GABRB1: variants seen among roughly 807,000 people sequenced by gnomAD.
GABRB1 encodes the protein gamma-aminobutyric acid receptor subunit beta-1.
A neutral mutation model predicts 51.6 loss-of-function variants in GABRB1; 17 were observed. The ratio of observed to expected loss-of-function variants is 0.33; its 90% confidence interval spans 0.23 to 0.49. The LOEUF is 0.49. Ranked by LOEUF, GABRB1 falls within the 20% of genes least tolerant of loss-of-function variation. GABRB1 has a pLI of 0.99. For synonymous variants in GABRB1, 247 were observed against 218.9 expected, an observed-to-expected ratio of 1.13 and a Z score of -1.14; for missense variants, 410 against 600.6, an observed-to-expected ratio of 0.68 and a Z score of 3.32.
intron 3 of GABRB1, among the ~76,000 whole-genome samples, chr4:47,151,856 C>T (rs1264006779): frequency 6.6e-6 from 1 of 151,930 alleles, no homozygotes; most frequent in African/African-American, 2.4e-5. Context: ...CAAAATTTCA[C>T]TGAATAGAGA....
intron 3 of GABRB1, among the ~76,000 whole-genome samples, chr4:47,111,238 C>T (rs149917533): frequency 4.7e-4 from 72 of 152,042 alleles, no homozygotes; most frequent in Non-Finnish European, 8.5e-4. Context: ...AATTTTTCAA[C>T]GTCTCACAAA....
chr4:47,219,188 T>C (rs1720668383), intron 4 of GABRB1, among the ~76,000 whole-genome samples: 1 of 151,870 alleles, frequency 6.6e-6, no homozygotes, highest in Non-Finnish European at 1.5e-5. Context: ...TAAAATGTTG[T>C]ATGTCATATT....
rs115025485 is a variant in GABRB1 at position 47,011,882 on chromosome 4, T to C, written c.-20+17956T>C. 1.9e-3 allele frequency among the ~76,000 whole-genome samples: 296 copies of C among 152,188 alleles called. 2 individuals are homozygous for C. The highest frequency in any genetic ancestry group is 6.9e-3 in the African/African-American group (285 of 41,526). The stretch of plus-strand genomic sequence containing the variant: ...ATCATTAAAAGCCCATTTTAAAAAA[T>C]ATTTCCAAATACAGGAAAAAAAATC... On this transcript the variant is annotated intron_variant, in intron 1 of 3. Coordinates refer to the GABRB1 transcript ENST00000513567.
intron 4 of GABRB1, among the ~76,000 whole-genome samples, chr4:47,241,759 T>C (rs1438529430): frequency 6.6e-6 from 1 of 152,232 alleles, no homozygotes; most frequent in East Asian, 1.9e-4. Flanking sequence ...GGTCTTGTTT[T>C]CTTTGATTAT....
At chr4:47,312,527 A>G (rs965446359) in intron 4 of GABRB1, among the ~76,000 whole-genome samples, 29 of 152,342 alleles carry the variant, frequency 1.9e-4, no homozygotes, top group Admixed American at 1.2e-3. Context: ...TGTATCCAAG[A>G]GGCTAAACAA....
At chr4:47,210,246 A>G (rs1689605908) in intron 4 of GABRB1, among the ~76,000 whole-genome samples, 2 of 152,156 alleles carry the variant, frequency 1.3e-5, no homozygotes, top group Admixed American at 1.3e-4. Context: ...GACCCACTCA[A>G]TTCCAATAGA....
chr4:47,220,936 C>A (rs116394546), intron 4 of GABRB1, among the ~76,000 whole-genome samples: 2,207 of 152,052 alleles, frequency 0.015, 49 homozygotes, highest in African/African-American at 0.05. Flanking sequence ...CATCAGTTGT[C>A]TACGTATCAC....
At chr4:47,120,748 A>C (rs1596138) in intron 3 of GABRB1, among the ~76,000 whole-genome samples, 71,511 of 151,946 alleles carry the variant, frequency 0.47, 17,114 homozygotes, top group Middle Eastern at 0.52. Flanking sequence ...CCTTCTGACC[A>C]ATTGTGTCTA....
At chr4:47,074,116 T>G (rs1010432267) in intron 3 of GABRB1, among the ~76,000 whole-genome samples, 13 of 152,212 alleles carry the variant, frequency 8.5e-5, no homozygotes, top group Non-Finnish European at 1.8e-4. Context: ...TCCAAATATT[T>G]TAAATGGTAT....
At chr4:47,256,879 G>A (rs1307158045) in intron 4 of GABRB1, among the ~76,000 whole-genome samples, 1 of 152,098 alleles carries the variant, frequency 6.6e-6, no homozygotes, top group African/African-American at 2.4e-5. Flanking sequence ...AACCATATCA[G>A]GTATTTTACT....
chr4:47,334,006 G>C (rs879839642), intron 5 of GABRB1, among the ~76,000 whole-genome samples: 1 of 152,164 alleles, frequency 6.6e-6, no homozygotes, highest in Non-Finnish European at 1.5e-5. Context: ...CCAAGGGCTT[G>C]CCTGCCCTCA....
chr4:47,076,116 T>C (rs62305290), intron 3 of GABRB1, among the ~76,000 whole-genome samples: 1 of 152,216 alleles, frequency 6.6e-6, no homozygotes, highest in Non-Finnish European at 1.5e-5. Context: ...TGGTTTACAT[T>C]CCAGTTTCCC....
rs548845148 is a variant in GABRB1 at position 47,066,996 on chromosome 4, G to A, written c.240+34512G>A. ...GACTTGAAACCTGGAATTACTCCTC[G>A]AATGAACGAATGAATGCAGAATGAA... On this transcript the variant is annotated intron_variant, in intron 3 of 8. Coordinates refer to ENST00000295454, the MANE Select transcript of GABRB1 (RefSeq NM_000812.4). 3.1e-4 allele frequency among the ~76,000 whole-genome samples: 47 copies of A among 152,228 alleles called. No individual in the cohort carries two copies. The South Asian group carries it at 8.9e-3, about 29-fold the overall frequency.
Position 47,425,790 on chromosome 4 carries a change from C to T in GABRB1, c.1197C>T (p.Ser399=). 2 of 1,614,148 alleles carry T rather than the reference C, an allele frequency of 1.2e-6. No individual in the cohort carries two copies. Among genetic ancestry groups the T allele is most frequent in the Non-Finnish European group, 1.7e-6 (2 of 1,180,022 alleles). Residue 399 remains serine (S), a synonymous_variant, in exon 9 of 9, where the codon AGC becomes AGT. Transcript: ENST00000295454. The part of the protein sequence containing the change: ...DPKATMYSYD[S]ASIQYRKPLS... ...AGGCCACCATGTACTCCTATGACAGCGCCAGCATCCAGTACCGCAAGCCCC... is the reference window on the plus strand; with the variant it reads ...AGGCCACCATGTACTCCTATGACAGTGCCAGCATCCAGTACCGCAAGCCCC...
intron 4 of GABRB1, among the ~76,000 whole-genome samples, chr4:47,191,128 A>G (rs1458972592): frequency 1.3e-5 from 2 of 152,160 alleles, no homozygotes; most frequent in African/African-American, 4.8e-5. Flanking sequence ...GATGATCAGC[A>G]GATCAGAGAA....
intron 5 of GABRB1, among the ~76,000 whole-genome samples, chr4:47,400,998 C>T (rs921133323): frequency 1.3e-5 from 2 of 148,758 alleles, no homozygotes; most frequent in East Asian, 2.0e-4. Context: ...GCACGATCTC[C>T]GCTCACTGCA....
intron 5 of GABRB1, among the ~76,000 whole-genome samples, chr4:47,341,446 A>G (rs1218934330): frequency 2.0e-5 from 3 of 152,216 alleles, no homozygotes. Flanking sequence ...ATAAACATCT[A>G]GCAAGTAAAG....
chr4:47,268,975 T>C (rs1722750515), intron 4 of GABRB1, among the ~76,000 whole-genome samples: 1 of 152,350 alleles, frequency 6.6e-6, no homozygotes, highest in South Asian at 2.1e-4. Context: ...CAAGCTGTTT[T>C]ATTTTCATTT....
intron 4 of GABRB1, among the ~76,000 whole-genome samples, chr4:47,301,228 C>G (rs1724247385): frequency 6.6e-6 from 1 of 152,080 alleles, no homozygotes; most frequent in African/African-American, 2.4e-5. Context: ...CATATTTTAC[C>G]TGGCTCTGTT....
Sources: allele counts gnomAD v4.1 joint callset (sites outside exome capture counted in the v4.1 genomes callset), GRCh38; gene constraint gnomAD v4.1.1; transcripts MANE v1.5; gene names NCBI Gene and HGNC (gene_info 2026-07-23, HGNC 2026-07-21).